SNTG1: variants seen among roughly 807,000 people sequenced by gnomAD.
SNTG1 encodes gamma-1-syntrophin.
SNTG1 carries 39 observed loss-of-function variants against 74.7 expected under a neutral mutation model. That is an observed-to-expected ratio of 0.52 (90% CI 0.40 to 0.68). SNTG1 has a LOEUF of 0.68. SNTG1 is among the 30% of genes least tolerant of loss of function. The pLI is 0.00. For synonymous variants in SNTG1, 254 were observed against 217.1 expected (o/e 1.17, Z -1.49); for missense variants, 685 against 609.5 (o/e 1.12, Z -1.30).
chr8:50,632,674 TAATA>T (rs368797994), intron 13 of SNTG1, among the ~76,000 whole-genome samples: 133 of 152,290 alleles, frequency 8.7e-4, no homozygotes, highest in East Asian at 4.2e-3. Context: ...TATTATGAAA[TAATA>T]AATAAGTAAA....
chr8:50,551,181 TTTATGA>T (rs973849846), intron 11 of SNTG1, among the ~76,000 whole-genome samples: 61 of 152,268 alleles, frequency 4.0e-4, no homozygotes, highest in African/African-American at 1.4e-3. Flanking sequence ...AACTGTAATT[TTTATGA>T]TCAACTTATA....
At chr8:50,408,442 G>C (rs1243936987) in intron 4 of SNTG1, among the ~76,000 whole-genome samples, 1 of 152,286 alleles carries the variant, frequency 6.6e-6, no homozygotes, top group Admixed American at 6.5e-5. Context: ...GTGCAAAAGT[G>C]GTTCCAAAAG....
intron 2 of SNTG1, among the ~76,000 whole-genome samples, chr8:50,199,218 C>CTT (rs879822781): frequency 1.6e-4 from 21 of 133,468 alleles, no homozygotes; most frequent in South Asian, 7.2e-4. Context: ...ACTTAATTTC[C>CTT]TTTTTTTTTT....
intron 2 of SNTG1, among the ~76,000 whole-genome samples, chr8:50,245,635 A>G (rs1466470727): frequency 5.3e-5 from 8 of 152,024 alleles, no homozygotes; most frequent in Admixed American, 2.6e-4. Flanking sequence ...ATGAGCCGAG[A>G]TTGCACCACT....
rs552600055 is a variant in SNTG1 at position 50,276,476 on chromosome 8, T to C, written c.-28+103841T>C. Among the ~76,000 whole-genome samples, 4 of 151,606 alleles carry C rather than the reference T, an allele frequency of 2.6e-5. No homozygotes were observed. In the East Asian group the frequency reaches 5.8e-4, roughly 22 times the overall value. ...GTACTTTAATCTTCCTTTTGTAATA[T>C]ACCTAGAAGGCAATGATTTTAACAT... is the stretch of plus-strand genomic sequence containing the variant. On this transcript the variant is annotated intron_variant, in intron 2 of 18. Transcript: ENST00000642720.
intron 2 of SNTG1, among the ~76,000 whole-genome samples, chr8:50,269,826 A>T (rs12680748): frequency 2.0e-5 from 3 of 151,872 alleles, no homozygotes; most frequent in Non-Finnish European, 2.9e-5. Context: ...TACAGGCAGT[A>T]TGTGGGGAGT....
intron 2 of SNTG1, among the ~76,000 whole-genome samples, chr8:50,243,903 C>A (rs189314671): frequency 2.7e-4 from 41 of 152,224 alleles, no homozygotes; most frequent in African/African-American, 9.2e-4. Flanking sequence ...ACTGAGGAAT[C>A]GACCTTTCTG....
chr8:50,502,814 C>CT lies in SNTG1; in HGVS notation c.401dup (p.Thr135AsnfsTer18). 1 of 1,613,322 alleles carries CT rather than the reference C, an allele frequency of 6.2e-7. No individual in the cohort carries two copies. Among genetic ancestry groups the CT allele is most frequent in the Non-Finnish European group, 8.5e-7 (1 of 1,179,588 alleles). ...TCGGAATGCTGGAGAAGAAGTGACT[C>CT]TAACAGTGTCATTTTTAAAAAGAGC... On this transcript the variant is annotated frameshift_variant, in exon 9 of 19. Coordinates refer to ENST00000642720, the MANE Select transcript of SNTG1 (RefSeq NM_018967.5). LOFTEE classifies it high-confidence loss of function.
intron 1 of SNTG1, among the ~76,000 whole-genome samples, chr8:50,073,391 T>C (rs941437854): frequency 2.0e-5 from 3 of 152,202 alleles, no homozygotes; most frequent in Admixed American, 1.3e-4. Flanking sequence ...CTACTTCTAA[T>C]TCTAGTTCTC....
intron 9 of SNTG1, among the ~76,000 whole-genome samples, chr8:50,522,440 C>T (rs2094187117): frequency 6.6e-6 from 1 of 152,048 alleles, no homozygotes; most frequent in Non-Finnish European, 1.5e-5. Flanking sequence ...AGAGTAGATT[C>T]ACCATAATTG....
chr8:50,646,483 G>A (rs142454557), intron 13 of SNTG1, among the ~76,000 whole-genome samples: 154 of 152,278 alleles, frequency 1.0e-3, no homozygotes, highest in African/African-American at 3.5e-3. Context: ...AAAATTTACA[G>A]ATAAATTTGT....
chr8:50,355,311 A>T (rs2091787240), intron 2 of SNTG1, among the ~76,000 whole-genome samples: 1 of 152,006 alleles, frequency 6.6e-6, no homozygotes, highest in South Asian at 2.1e-4. Flanking sequence ...TGCCACCTCC[A>T]ATCGAAATGA....
chr8:50,093,048 C>A (rs577259513), intron 1 of SNTG1, among the ~76,000 whole-genome samples: 5 of 152,186 alleles, frequency 3.3e-5, no homozygotes, highest in African/African-American at 1.2e-4. Context: ...CTGTGTAGAG[C>A]TAGCCATGAG....
rs550629488 is a variant in SNTG1, at chr8:50,539,686, GGT to G, written c.680+2879_680+2880del. On this transcript the variant is annotated intron_variant, in intron 11 of 18. Transcript: ENST00000642720. ...TCTAATTGCTGCAGGTGAGTATGAA[GGT>G]TCAGCTGTCCATGACACCCCACTGA... Among the ~76,000 whole-genome samples, 387 of 152,208 alleles carry G rather than the reference GGT, an allele frequency of 2.5e-3. 1 individual carries two copies. Among genetic ancestry groups the G allele is most frequent in the African/African-American group, 8.9e-3 (371 of 41,534 alleles).
At chr8:50,200,420 T>A (rs2083939571) in intron 2 of SNTG1, among the ~76,000 whole-genome samples, 1 of 152,128 alleles carries the variant, frequency 6.6e-6, no homozygotes, top group African/African-American at 2.4e-5. Context: ...AGACGTTGAT[T>A]CCTTGGGTTG....
chr8:50,743,380 T>A (rs950542933), intron 17 of SNTG1, among the ~76,000 whole-genome samples: 1 of 151,930 alleles, frequency 6.6e-6, no homozygotes, highest in African/African-American at 2.4e-5. Flanking sequence ...TACAACACCT[T>A]AATAGAATGA....
chr8:50,283,927 A>G (rs1300322235), intron 2 of SNTG1, among the ~76,000 whole-genome samples: 1 of 152,154 alleles, frequency 6.6e-6, no homozygotes, highest in Non-Finnish European at 1.5e-5. Flanking sequence ...TTAACATAGT[A>G]TATGAATATG....
At chr8:50,395,504 C>CTGGTTT (rs1554514154) in intron 3 of SNTG1, among the ~76,000 whole-genome samples, 2,851 of 23,282 alleles carry the variant, frequency 0.12, 106 homozygotes, top group African/African-American at 0.21. Flanking sequence ...TGTCTAATTT[C>CTGGTTT]TGTTTTTTTT....
chr8:50,492,065 T>C (rs1399546551), intron 8 of SNTG1, among the ~76,000 whole-genome samples: 1 of 152,190 alleles, frequency 6.6e-6, no homozygotes, highest in African/African-American at 2.4e-5. Flanking sequence ...GGACATGAAC[T>C]CATCCTTTTT....
Sources: gnomAD v4.1 joint callset for allele counts (sites outside exome capture counted in the v4.1 genomes callset) on GRCh38, gnomAD v4.1.1 for gene constraint, MANE v1.5 for transcripts, NCBI Gene and HGNC (gene_info 2026-07-23, HGNC 2026-07-21) for gene names.